Variants in SORBS2 observed in about 807,000 individuals in gnomAD.
SORBS2 encodes sorbin and SH3 domain containing 2, also known as sorbin and SH3 domain-containing protein 2.
In SORBS2, 46 loss-of-function variants were observed where a neutral mutation model predicts 97.7. The ratio of observed to expected loss-of-function variants is 0.47; its 90% CI spans 0.37 to 0.60. The LOEUF (loss-of-function observed/expected upper bound fraction) is 0.60, where lower values mean the gene tolerates loss of function less well. Ranked by LOEUF, SORBS2 falls within the 20% of genes least tolerant of loss-of-function variation. The pLI is 0.00. For missense variants in SORBS2, 1,316 were observed against 1,282.3 expected (o/e 1.03, Z -0.40); for synonymous variants, 476 against 473.4 (o/e 1.01, Z -0.07).
At chr4:185,781,152 G>C (rs1449272785) in intron 1 of SORBS2, among the ~76,000 whole-genome samples, 1 of 152,020 alleles carries the variant, frequency 6.6e-6, no homozygotes, top group Non-Finnish European at 1.5e-5. Context: ...GGTCAGGTTG[G>C]TCTCGAACTC....
At chr4:185,919,064 T>C (rs1007591219) in intron 1 of SORBS2, among the ~76,000 whole-genome samples, 1 of 152,214 alleles carries the variant, frequency 6.6e-6, no homozygotes, top group Non-Finnish European at 1.5e-5. Context: ...CATAGCTCTC[T>C]TAGAACAAGG....
chr4:185,765,026 GT>G (rs2098926055), intron 2 of SORBS2, among the ~76,000 whole-genome samples: 1 of 152,046 alleles, frequency 6.6e-6, no homozygotes, highest in African/African-American at 2.4e-5. Flanking sequence ...GAAAGCCTGT[GT>G]TGGGTTTCAT....
At chr4:185,712,628 G>A (rs764728522) in intron 2 of SORBS2, among the ~76,000 whole-genome samples, 3 of 152,198 alleles carry the variant, frequency 2.0e-5, no homozygotes, top group East Asian at 1.9e-4. Context: ...ACTGCAACAC[G>A]CCCTCTGGGG....
intron 1 of SORBS2, among the ~76,000 whole-genome samples, chr4:185,843,249 A>G (rs574342911): frequency 6.6e-6 from 1 of 152,328 alleles, no homozygotes; most frequent in African/African-American, 2.4e-5. Context: ...TAGTTTCACT[A>G]AGAGAAAGCA....
intron 1 of SORBS2, among the ~76,000 whole-genome samples, chr4:185,869,954 C>A (rs1351175363): frequency 6.6e-6 from 1 of 152,110 alleles, no homozygotes; most frequent in Non-Finnish European, 1.5e-5. Context: ...TAAGATGCAA[C>A]CGTTCTTTTA....
At chr4:185,842,141 T>C (rs897799762) in intron 1 of SORBS2, among the ~76,000 whole-genome samples, 1 of 152,202 alleles carries the variant, frequency 6.6e-6, no homozygotes, top group African/African-American at 2.4e-5. Flanking sequence ...ATGTTAGGAA[T>C]AAAATGACAG....
chr4:185,647,585 A>T (rs1250624948), intron 3 of SORBS2, among the ~76,000 whole-genome samples: 1 of 152,024 alleles, frequency 6.6e-6, no homozygotes, highest in African/African-American at 2.4e-5. Context: ...GACTGTAGAT[A>T]GGGGTAATTC....
rs1315854653 is a variant in SORBS2, at chr4:185,893,318, A to T, written c.-338+62878T>A. 2.6e-5 allele frequency among the ~76,000 whole-genome samples: 4 copies of T among 152,142 alleles called. No homozygotes were observed. In the East Asian group the frequency reaches 5.8e-4, roughly 22 times the overall value. The stretch of plus-strand genomic sequence containing the variant: ...CGAGTGTGAGCCTGGGGTAGGCGGG[A>T]TGCATGGGCTGCAATACACCAGACA... On this transcript the variant is annotated intron_variant, in intron 1 of 20. Coordinates refer to the SORBS2 transcript ENST00000284776.
intron 1 of SORBS2, among the ~76,000 whole-genome samples, chr4:185,948,570 T>G (rs2099275677): frequency 7.3e-6 from 1 of 137,730 alleles, no homozygotes; most frequent in Non-Finnish European, 1.5e-5. Context: ...CAGGCTGGAG[T>G]GCAGTGGCAC....
At chr4:185,723,084 A>G (rs2153562162) in intron 2 of SORBS2, among the ~76,000 whole-genome samples, 1 of 152,284 alleles carries the variant, frequency 6.6e-6, no homozygotes, top group South Asian at 2.1e-4. Flanking sequence ...GAGCTCAGAA[A>G]GTTATTTGTA....
chr4:185,603,602 T>C (rs1407289284), intron 12 of SORBS2, among the ~76,000 whole-genome samples: 1 of 152,166 alleles, frequency 6.6e-6, no homozygotes, highest in Non-Finnish European at 1.5e-5. Flanking sequence ...TCATTTCACA[T>C]TCAAAAGACT....
rs138824268 is a variant in SORBS2, at chr4:185,842,671, C to G, written c.-337-67305G>C. 6.8e-3 allele frequency among the ~76,000 whole-genome samples: 1,035 copies of G among 151,994 alleles called. 8 individuals are homozygous for G. The highest frequency in any genetic ancestry group is 0.023 in the African/African-American group (941 of 41,488). ...ATTAAATTTGGCCGGGTGCAGTGGC[C>G]CATGCCTGTAATCCCAGCACTCTGG... On this transcript the variant is annotated intron_variant, in intron 1 of 20. Transcript: ENST00000284776.
At chr4:185,838,875 A>T (rs1431065491) in intron 1 of SORBS2, among the ~76,000 whole-genome samples, 1 of 152,156 alleles carries the variant, frequency 6.6e-6, no homozygotes. Context: ...CAGAATCACC[A>T]GAAGGTATCA....
At chr4:185,840,340 A>G (rs1201593445) in intron 1 of SORBS2, among the ~76,000 whole-genome samples, 1 of 152,222 alleles carries the variant, frequency 6.6e-6, no homozygotes, top group Non-Finnish European at 1.5e-5. Flanking sequence ...TCTCTCATTC[A>G]TACAAGATAG....
chr4:185,767,692 C>T (rs2098944632), intron 2 of SORBS2, among the ~76,000 whole-genome samples: 1 of 152,196 alleles, frequency 6.6e-6, no homozygotes, highest in African/African-American at 2.4e-5. Flanking sequence ...CCCGAGGCCT[C>T]GGTCTCTGCA....
chr4:185,622,936 TTGGTGG>T, exon 7 of SORBS2: 1 of 1,612,264 alleles, frequency 6.2e-7, no homozygotes, highest in African/African-American at 1.3e-5. Context: ...CGCCACGGTC[TTGGTGG>T]TGGCAGCTGC....
chr4:185,741,465 A>G (rs553027512), intron 2 of SORBS2, among the ~76,000 whole-genome samples: 25 of 129,280 alleles, frequency 1.9e-4, no homozygotes, highest in Admixed American at 5.8e-4. Flanking sequence ...GTGCAGTGGC[A>G]TGATCTCGGC....
chr4:185,850,379 T>C (rs1566356), intron 1 of SORBS2, among the ~76,000 whole-genome samples: 145,623 of 152,204 alleles, frequency 0.96, 70,026 homozygotes, highest in East Asian at 1. Flanking sequence ...AGTCTAACAA[T>C]TTTACAAACA....
At chr4:185,669,247 C>A (rs2097669859) in intron 4 of SORBS2, among the ~76,000 whole-genome samples, 1 of 152,176 alleles carries the variant, frequency 6.6e-6, no homozygotes. Flanking sequence ...CCAGGATGTG[C>A]AAATCAAGCC....
Sources: allele counts gnomAD v4.1 joint callset (sites outside exome capture counted in the v4.1 genomes callset), GRCh38; gene constraint gnomAD v4.1.1; transcripts MANE v1.5; gene names NCBI Gene and HGNC (gene_info 2026-07-23, HGNC 2026-07-21).